LRBA: variants seen among roughly 807,000 people sequenced by gnomAD.
The protein encoded by LRBA is lipopolysaccharide-responsive and beige-like anchor protein.
A neutral mutation model predicts 330.0 loss-of-function variants in LRBA; 176 were observed. That is an observed-to-expected ratio of 0.53 (90% CI 0.47 to 0.60). The LOEUF (loss-of-function observed/expected upper bound fraction) is 0.60, where lower values mean the gene tolerates loss of function less well. Ranked by LOEUF, LRBA falls within the 20% of genes least tolerant of loss-of-function variation. LRBA has a pLI of 0.00. For synonymous variants in LRBA, 1,230 were observed against 1,193.0 expected, an observed-to-expected ratio of 1.03 and a Z score of -0.64; for missense variants, 3,259 against 3,444.8, an observed-to-expected ratio of 0.95 and a Z score of 1.35.
chr4:150,516,224 T>C (rs1321553316), intron 40 of LRBA, among the ~76,000 whole-genome samples: 2 of 97,326 alleles, frequency 2.1e-5, no homozygotes, highest in Non-Finnish European at 4.6e-5. Context: ...TCTCTTTTTT[T>C]TTTTTTTTTT....
chr4:150,457,890 G>A (rs1161727796), intron 44 of LRBA, among the ~76,000 whole-genome samples: 2 of 151,872 alleles, frequency 1.3e-5, no homozygotes, highest in East Asian at 3.9e-4. Context: ...ATAATAAATA[G>A]TCACTCCACA....
At chr4:150,701,429 C>T (rs79456043) in intron 36 of LRBA, among the ~76,000 whole-genome samples, 38 of 151,632 alleles carry the variant, frequency 2.5e-4, no homozygotes, top group African/African-American at 6.3e-4. Flanking sequence ...CACTTTCATA[C>T]GAATGGAAAC....
In LRBA at chr4:150,502,694, AGACAGTGGGTGCAG is replaced by A. The variant is rs1300352963; in HGVS notation, c.6331-11673_6331-11660del. On this transcript the variant is annotated intron_variant, in intron 40 of 56. Coordinates refer to ENST00000651943, the MANE Select transcript of LRBA (RefSeq NM_001364905.1). ...CGGGTTCATCTCACTGGGGTGTGCC[AGACAGTGGGTGCAG>A]GACAGTGGGTGCAGCGCACCGTGCG... 6.6e-5 allele frequency among the ~76,000 whole-genome samples: 10 copies of A among 152,342 alleles called. No homozygotes were observed. The East Asian group carries it at 1.5e-3, about 24-fold the overall frequency.
chr4:150,482,918 G>C (rs1361648084), intron 42 of LRBA, among the ~76,000 whole-genome samples: 2 of 151,876 alleles, frequency 1.3e-5, no homozygotes, highest in Non-Finnish European at 2.9e-5. Flanking sequence ...CTGGATGTAA[G>C]TGCTTTATCA....
At chr4:150,562,651 A>T (rs1768520583) in intron 40 of LRBA, among the ~76,000 whole-genome samples, 2 of 152,344 alleles carry the variant, frequency 1.3e-5, no homozygotes, top group South Asian at 4.1e-4. Context: ...TATTTAATCC[A>T]TAATATATTT....
At chr4:150,471,062 C>T (rs1057421234) in intron 43 of LRBA, among the ~76,000 whole-genome samples, 19 of 152,088 alleles carry the variant, frequency 1.2e-4, no homozygotes, top group Non-Finnish European at 2.4e-4. Context: ...AATCGTTCTT[C>T]GCATTTCTAA....
At chr4:150,785,257 G>T (rs116225916) in intron 34 of LRBA, among the ~76,000 whole-genome samples, 2,051 of 152,244 alleles carry the variant, frequency 0.013, 48 homozygotes, top group African/African-American at 0.046. Flanking sequence ...GCAAGTTCAG[G>T]TGGGGCCATC....
intron 2 of LRBA, among the ~76,000 whole-genome samples, chr4:150,933,527 G>T (rs1404310725): frequency 6.6e-6 from 1 of 152,074 alleles, no homozygotes; most frequent in Non-Finnish European, 1.5e-5. Context: ...GCTACAATTT[G>T]AGTGTAAATC....
chr4:150,830,086 G>T (rs928236479), intron 29 of LRBA, among the ~76,000 whole-genome samples: 1 of 152,116 alleles, frequency 6.6e-6, no homozygotes, highest in Non-Finnish European at 1.5e-5. Flanking sequence ...CTGGATTACT[G>T]ATTACTGCAA....
At chr4:150,880,717 C>A (rs1308424296) in intron 17 of LRBA, among the ~76,000 whole-genome samples, 5 of 151,982 alleles carry the variant, frequency 3.3e-5, no homozygotes, top group Admixed American at 3.3e-4. Flanking sequence ...TTAAACTAAG[C>A]GCTTAGGTAC....
chr4:150,686,931 C>T (rs943415914), intron 36 of LRBA, among the ~76,000 whole-genome samples: 15 of 151,970 alleles, frequency 9.9e-5, no homozygotes, highest in South Asian at 2.1e-4. Context: ...GTAAGCTAAA[C>T]GGTAAAATGG....
intron 34 of LRBA, among the ~76,000 whole-genome samples, chr4:150,778,404 G>T (rs1737720449): frequency 6.6e-6 from 1 of 152,048 alleles, no homozygotes; most frequent in South Asian, 2.1e-4. Context: ...AGATAACCAT[G>T]CAAATCAATT....
At chr4:150,413,116 T>C (rs1747252224) in intron 47 of LRBA, among the ~76,000 whole-genome samples, 1 of 151,920 alleles carries the variant, frequency 6.6e-6, no homozygotes, top group African/African-American at 2.4e-5. Context: ...GGTGAAAAGA[T>C]GGTTAACATT....
Position 150,472,104 on chromosome 4 carries a change from TTAATTG to T in LRBA, c.6552-371_6552-366del, listed in dbSNP as rs201960098. Among the ~76,000 whole-genome samples the T allele has an allele frequency of 8.8e-3, 1,338 of 152,230 alleles. 18 individuals carry two copies. The highest frequency in any genetic ancestry group is 0.031 in the African/African-American group (1,273 of 41,576). On this transcript the variant is annotated intron_variant, in intron 42 of 56. Transcript: ENST00000651943. ...ATAAAATTCTATTCACATGTCTTTATTAATTGTAATAGTTATCTTAAATGAACACAT... is the reference window on the plus strand; with the variant it reads ...ATAAAATTCTATTCACATGTCTTTATTAATAGTTATCTTAAATGAACACAT...
At chr4:150,443,656 T>C (rs1284509174) in intron 44 of LRBA, among the ~76,000 whole-genome samples, 6 of 151,526 alleles carry the variant, frequency 4.0e-5, no homozygotes, top group South Asian at 4.2e-4. Context: ...ATGAGAACAC[T>C]TGGACACAGG....
chr4:150,867,743 A>G lies in LRBA; in HGVS notation c.2694T>C (p.Leu898=), dbSNP rs1294764834. The part of the protein sequence containing the change: ...EMVYAIFRIL[L]YHAVKYEWGG... ...CCCACTCATATTTGACTGCATGGTAAAGCAGGATTCTGAATATGGCGTATA... is the reference window on the plus strand; with the variant it reads ...CCCACTCATATTTGACTGCATGGTAGAGCAGGATTCTGAATATGGCGTATA... The change falls in exon 22 of 57, where the codon CTT becomes CTC. Residue 898 remains leucine (L), a synonymous_variant. Coordinates refer to ENST00000651943, the MANE Select transcript of LRBA (RefSeq NM_001364905.1). 2 of 1,613,826 alleles carry G rather than the reference A, an allele frequency of 1.2e-6. No homozygotes were observed. Among genetic ancestry groups the G allele is most frequent in the Non-Finnish European group, 1.7e-6 (2 of 1,179,888 alleles).
At chr4:150,763,280 C>T (rs1735339359) in intron 34 of LRBA, among the ~76,000 whole-genome samples, 1 of 151,960 alleles carries the variant, frequency 6.6e-6, no homozygotes, top group African/African-American at 2.4e-5. Context: ...TATCCTTAGG[C>T]ATATCGTGCT....
chr4:150,952,715 T>C (rs1224324416), intron 2 of LRBA, among the ~76,000 whole-genome samples: 2 of 152,254 alleles, frequency 1.3e-5, no homozygotes, highest in South Asian at 2.1e-4. Flanking sequence ...GGTATCTGCA[T>C]ATCTCTTCTT....
chr4:150,601,019 G>C (rs771974609), intron 37 of LRBA, among the ~76,000 whole-genome samples: 1 of 152,124 alleles, frequency 6.6e-6, no homozygotes, highest in South Asian at 2.1e-4. Flanking sequence ...TCATCAGTGC[G>C]GCAATCGGCA....
Sources: gnomAD v4.1 joint callset for allele counts (sites outside exome capture counted in the v4.1 genomes callset) on GRCh38, gnomAD v4.1.1 for gene constraint, MANE v1.5 for transcripts, NCBI Gene and HGNC (gene_info 2026-07-23, HGNC 2026-07-21) for gene names.